The following NIPAL1 variants were observed in gnomAD, a reference collection of about 807,000 sequenced individuals.
The protein encoded by NIPAL1 is magnesium transporter NIPA3.
A neutral mutation model predicts 37.7 loss-of-function variants in NIPAL1; 35 were observed. The observed-to-expected ratio is 0.93, with a 90% CI of 0.71 to 1.23. The LOEUF is 1.23. Among genes scored for constraint, NIPAL1 ranks in the 50% most tolerant of loss-of-function variants. The probability of loss-of-function intolerance (pLI) is 0.00; values close to 1 mark genes in which losing one functional copy is unlikely to be tolerated. For synonymous variants in NIPAL1, 162 were observed against 183.0 expected (o/e 0.89, Z 0.93); for missense variants, 412 against 473.9 (o/e 0.87, Z 1.21).
chr4:48,017,812 G>T (rs1217765607), intron 1 of NIPAL1, among the ~76,000 whole-genome samples: 1 of 151,912 alleles, frequency 6.6e-6, no homozygotes, highest in Non-Finnish European at 1.5e-5. Context: ...GCAGTGAAAG[G>T]CATGGTAAGA....
chr4:48,032,425 A>G (rs770097540), intron 3 of NIPAL1, among the ~76,000 whole-genome samples: 30 of 152,226 alleles, frequency 2.0e-4, no homozygotes, highest in Non-Finnish European at 1.0e-4. Flanking sequence ...GGAGCATATC[A>G]TGACTTTAAA....
At chr4:48,031,575 G>C (rs900644389) in intron 3 of NIPAL1, among the ~76,000 whole-genome samples, 1 of 152,126 alleles carries the variant, frequency 6.6e-6, no homozygotes, top group Admixed American at 6.5e-5. Context: ...GTGTAAAAAA[G>C]TTTATGTCAG....
At chr4:48,017,493 C>CTT (rs3033846) in intron 1 of NIPAL1, among the ~76,000 whole-genome samples, 122,254 of 152,084 alleles carry the variant, frequency 0.8, 50,039 homozygotes, top group Non-Finnish European at 0.89. Context: ...TGCAGTCACT[C>CTT]TGGCTGCTTA....
intron 3 of NIPAL1, among the ~76,000 whole-genome samples, chr4:48,031,824 C>A (rs111614944): frequency 6.6e-6 from 1 of 151,944 alleles, no homozygotes; most frequent in Non-Finnish European, 1.5e-5. Context: ...CTGCAACCTC[C>A]GCCTCCCAGA....
At chr4:48,022,849 A>G (rs557208667) in intron 1 of NIPAL1, among the ~76,000 whole-genome samples, 6 of 152,136 alleles carry the variant, frequency 3.9e-5, no homozygotes, top group Admixed American at 3.3e-4. Context: ...TTAGTTGGGC[A>G]TGGTGGTGCA....
chr4:48,037,275 A>G lies in NIPAL1; in HGVS notation c.*1103A>G. On this transcript the variant is annotated 3_prime_UTR_variant, in exon 6 of 6. Coordinates refer to ENST00000295461, the MANE Select transcript of NIPAL1 (RefSeq NM_207330.3). ...AAAACACAGACACGTGATTGTTTTC[A>G]CAGGTTCCATTAATTAACTCAGGTC... 1 of 438,386 alleles carries G rather than the reference A, an allele frequency of 2.3e-6. No homozygotes were observed. The highest frequency in any genetic ancestry group is 4.5e-6 in the Non-Finnish European group (1 of 221,032). The allele number at this position is 438,386 out of a possible 1,614,324, so 27.2% of individuals were successfully genotyped here.
At chr4:48,022,452 C>T (rs916662078) in intron 1 of NIPAL1, among the ~76,000 whole-genome samples, 3 of 152,170 alleles carry the variant, frequency 2.0e-5, no homozygotes, top group Non-Finnish European at 4.4e-5. Flanking sequence ...CATTTGATCT[C>T]CCTTATGACC....
chr4:48,017,601 C>T (rs1560320644), intron 1 of NIPAL1, among the ~76,000 whole-genome samples: 2 of 152,160 alleles, frequency 1.3e-5, no homozygotes, highest in Admixed American at 1.3e-4. Context: ...AATCTCTGGG[C>T]GAGGCTCCTT....
intron 1 of NIPAL1, 58 bp from the exon 2 acceptor site, chr4:48,025,010 G>A (rs772168187): frequency 2.1e-5 from 31 of 1,472,530 alleles, no homozygotes; most frequent in Admixed American, 1.6e-4. Context: ...CAGAAAGCCG[G>A]TAAGCATTAA....
intron 2 of NIPAL1, among the ~76,000 whole-genome samples, chr4:48,028,402 C>G (rs1715739472): frequency 6.6e-6 from 1 of 151,974 alleles, no homozygotes; most frequent in African/African-American, 2.4e-5. Context: ...GACCTTATAT[C>G]TGACCATATA....
chr4:48,016,962 C>A (rs909115067), intron 1 of NIPAL1, 77 bp downstream of exon 1: 11 of 1,255,140 alleles, frequency 8.8e-6, no homozygotes, highest in Non-Finnish European at 1.2e-5. Context: ...CGGACACTTG[C>A]GGAGACTGGA....
At position 48,039,758 on chromosome 4, in the gene NIPAL1, A is replaced by G. The variant is rs182003495; in HGVS notation, c.*3586A>G. Reference sequence around the variant, plus strand: ...TGCCTGATAATAGGCACTTAGTAAAATGTACTTTTCTTTGAATCAACATTT... The same window carrying G: ...TGCCTGATAATAGGCACTTAGTAAAGTGTACTTTTCTTTGAATCAACATTT... On this transcript the variant is annotated 3_prime_UTR_variant, in exon 6 of 6. Transcript: ENST00000295461. 6.6e-6 allele frequency: 1 copy of G among 152,248 alleles called. No homozygotes were observed. The highest frequency in any genetic ancestry group is 2.4e-5 in the African/African-American group (1 of 41,464). 9.4% of individuals were successfully genotyped at this position (152,248 alleles called of 1,614,324 possible). A position where few individuals can be genotyped will look rare whatever the true frequency, so the allele number is the denominator to read the frequency against.
chr4:48,031,846 C>T (rs1387474729), intron 3 of NIPAL1, among the ~76,000 whole-genome samples: 5 of 152,108 alleles, frequency 3.3e-5, no homozygotes, highest in Non-Finnish European at 5.9e-5. Flanking sequence ...TCAAACGATT[C>T]TCCTGCCTCA....
At chr4:48,023,915 A>G (rs905412571) in intron 1 of NIPAL1, among the ~76,000 whole-genome samples, 2 of 152,054 alleles carry the variant, frequency 1.3e-5, no homozygotes, top group African/African-American at 4.8e-5. Context: ...TTTGAAATAT[A>G]TAACTCTTCA....
rs1365182569 is a variant in NIPAL1 at position 48,039,504 on chromosome 4, G to A, written c.*3332G>A. ...AGATTTATTATGTGAATATCTGCAT[G>A]TGTGTTATTAAGGATTACAAAGTTG... On this transcript the variant is annotated 3_prime_UTR_variant, in exon 6 of 6. Transcript: ENST00000295461. 1 of 152,180 alleles carries A rather than the reference G, an allele frequency of 6.6e-6. No homozygotes were observed. Among genetic ancestry groups the A allele is most frequent in the Admixed American group, 6.5e-5 (1 of 15,286 alleles). The allele number at this position is 152,180 out of a possible 1,614,324, so 9.4% of individuals were successfully genotyped here. A position where few individuals can be genotyped will look rare whatever the true frequency, so the allele number is the denominator to read the frequency against.
chr4:48,019,293 A>G (rs1715519352), intron 1 of NIPAL1, among the ~76,000 whole-genome samples: 1 of 152,222 alleles, frequency 6.6e-6, no homozygotes, highest in Non-Finnish European at 1.5e-5. Context: ...GTTTACAGGC[A>G]TGAGCCATCC....
At chr4:48,017,160 C>G (rs548252356) in intron 1 of NIPAL1, among the ~76,000 whole-genome samples, 1 of 152,358 alleles carries the variant, frequency 6.6e-6, no homozygotes, top group East Asian at 1.9e-4. Flanking sequence ...GTGTAAATTA[C>G]CGCGTGCTGC....
chr4:48,018,061 A>T (rs188034425), intron 1 of NIPAL1, among the ~76,000 whole-genome samples: 61 of 152,258 alleles, frequency 4.0e-4, no homozygotes, highest in East Asian at 1.2e-3. Context: ...ATTAAAAAAA[A>T]TTTTTTAAGG....
At chr4:48,034,471 C>T (rs1577627505) in intron 4 of NIPAL1, among the ~76,000 whole-genome samples, 1 of 152,074 alleles carries the variant, frequency 6.6e-6, no homozygotes, top group Non-Finnish European at 1.5e-5. Flanking sequence ...GATTATTAGC[C>T]CTGAGCAGAG....
Sources: allele counts gnomAD v4.1 joint callset (sites outside exome capture counted in the v4.1 genomes callset), GRCh38; gene constraint gnomAD v4.1.1; transcripts MANE v1.5; gene names NCBI Gene and HGNC (gene_info 2026-07-23, HGNC 2026-07-21).